Variants in SYNDIG1L observed in about 807,000 individuals in gnomAD.
SYNDIG1L encodes synapse differentiation-inducing gene protein 1-like.
SYNDIG1L carries 13 observed loss-of-function variants against 20.1 expected under a neutral mutation model. That is an observed-to-expected ratio of 0.65 (90% CI 0.42 to 1.03). The LOEUF (loss-of-function observed/expected upper bound fraction) is 1.03. Ranked by LOEUF, SYNDIG1L falls within the 50% of genes least tolerant of loss-of-function variation. SYNDIG1L has a pLI of 0.00. For synonymous variants in SYNDIG1L, 128 were observed against 129.3 expected (o/e 0.99, Z 0.07); for missense variants, 294 against 305.1 (o/e 0.96, Z 0.27).
At chr14:74,415,310 C>T (rs2086165872) in intron 1 of SYNDIG1L, among the ~76,000 whole-genome samples, 1 of 152,156 alleles carries the variant, frequency 6.6e-6, no homozygotes, top group East Asian at 1.9e-4. Context: ...TCTCAGACTT[C>T]AGCATGCATC....
At chr14:74,434,271 A>C in the SYNDIG1L span, among the ~76,000 whole-genome samples, 51 of 152,320 alleles carry the variant, frequency 3.3e-4, no homozygotes, top group East Asian at 9.3e-3. Flanking sequence ...CATTGAGTGA[A>C]TGATTGCTGC....
chr14:74,419,361 C>T (rs560165914), intron 1 of SYNDIG1L, among the ~76,000 whole-genome samples: 8 of 152,284 alleles, frequency 5.3e-5, no homozygotes, highest in South Asian at 2.1e-4. Context: ...CATTCCCTTG[C>T]GTGGCATATA....
At chr14:74,455,219 A>G in the SYNDIG1L span, among the ~76,000 whole-genome samples, 1 of 151,948 alleles carries the variant, frequency 6.6e-6, no homozygotes, top group East Asian at 1.9e-4. Flanking sequence ...TCTCATTACT[A>G]CTTGTGCTCT....
At chr14:74,445,423 T>A in the SYNDIG1L span, among the ~76,000 whole-genome samples, 1 of 152,008 alleles carries the variant, frequency 6.6e-6, no homozygotes, top group Non-Finnish European at 1.5e-5. Context: ...CACATTAGCA[T>A]ATTGCAAGCT....
At chr14:74,443,185 GAGA>G in the SYNDIG1L span, among the ~76,000 whole-genome samples, 1 of 152,200 alleles carries the variant, frequency 6.6e-6, no homozygotes, top group African/African-American at 2.4e-5. Context: ...ATTGCTGGTT[GAGA>G]AGAATGAACC....
chr14:74,411,804 T>C (rs1259275387), intron 1 of SYNDIG1L, among the ~76,000 whole-genome samples: 1 of 152,146 alleles, frequency 6.6e-6, no homozygotes, highest in East Asian at 1.9e-4. Flanking sequence ...CAGCTCTGAA[T>C]CCAAGACTGG....
chr14:74,432,283 C>G, the SYNDIG1L span, among the ~76,000 whole-genome samples: 2 of 152,078 alleles, frequency 1.3e-5, no homozygotes, highest in Admixed American at 1.3e-4. Flanking sequence ...ATGGTCCCAG[C>G]AGCAAGCAGT....
chr14:74,474,213 T>C, the SYNDIG1L span: 2 of 152,264 alleles, frequency 1.3e-5, no homozygotes, highest in Non-Finnish European at 2.9e-5. Context: ...GGTTGATCCA[T>C]GGTCCCATGG....
At chr14:74,433,785 C>T in the SYNDIG1L span, among the ~76,000 whole-genome samples, 1 of 152,162 alleles carries the variant, frequency 6.6e-6, no homozygotes, top group Non-Finnish European at 1.5e-5. Flanking sequence ...GGTTTTATGG[C>T]TTGTAAGGAC....
upstream of SYNDIG1L, among the ~76,000 whole-genome samples, chr14:74,429,692 G>C (rs2086289890): frequency 6.6e-6 from 1 of 152,250 alleles, no homozygotes; most frequent in Admixed American, 6.5e-5. Flanking sequence ...GGAGAGGTGG[G>C]CCTTTGGACT....
chr14:74,445,888 G>A, the SYNDIG1L span, among the ~76,000 whole-genome samples: 4 of 152,120 alleles, frequency 2.6e-5, no homozygotes, highest in Non-Finnish European at 4.4e-5. Flanking sequence ...TACAATCATT[G>A]TATAAGCTGC....
the SYNDIG1L span, among the ~76,000 whole-genome samples, chr14:74,462,459 G>A: frequency 9.2e-5 from 14 of 151,970 alleles, no homozygotes; most frequent in Non-Finnish European, 1.0e-4. Flanking sequence ...ACTCCAGCCT[G>A]AATGACAGAA....
rs555625424 is a variant in SYNDIG1L at position 74,407,936 on chromosome 14, A to C, written c.471T>G (p.Pro157=). ...GAGTAAGTCCCAGGTGGTCCCTGGG[A>C]GGCAGCGTGAGGAAGTTGTCTTCAC... ...SESEDNFLTL[P]PRDHLGLTLF... is the part of the protein sequence containing the mutation. The change falls in exon 3 of 4, where the codon CCT becomes CCG. Residue 157 remains proline, a synonymous_variant. Transcript: ENST00000331628. 3.3e-5 allele frequency: 53 copies of C among 1,613,802 alleles called. No homozygotes were observed. In the South Asian group the frequency reaches 5.3e-4, roughly 16 times the overall value.
At chr14:74,458,483 G>C in the SYNDIG1L span, among the ~76,000 whole-genome samples, 1 of 151,886 alleles carries the variant, frequency 6.6e-6, no homozygotes, top group Non-Finnish European at 1.5e-5. Flanking sequence ...TTAGCTGGGC[G>C]TGGTGGCAGG....
the SYNDIG1L span, among the ~76,000 whole-genome samples, chr14:74,434,807 C>T: frequency 9.3e-5 from 14 of 151,216 alleles, no homozygotes; most frequent in Non-Finnish European, 1.5e-4. Context: ...GCAGGCTGGG[C>T]GCGGTGGCTC....
intron 2 of SYNDIG1L, 45 bp from the exon 3 acceptor site, chr14:74,408,034 G>T (rs1185124852): frequency 1.3e-6 from 2 of 1,549,756 alleles, no homozygotes; most frequent in Admixed American, 2.0e-5. Context: ...GATCAGCCCA[G>T]CCCCATCAGG....
the SYNDIG1L span, among the ~76,000 whole-genome samples, chr14:74,449,678 T>C: frequency 6.6e-6 from 1 of 151,290 alleles, no homozygotes; most frequent in Admixed American, 6.6e-5. Flanking sequence ...GAATAAAAAG[T>C]TTGTGGAATG....
the SYNDIG1L span, among the ~76,000 whole-genome samples, chr14:74,460,043 C>T: frequency 6.6e-6 from 1 of 152,090 alleles, no homozygotes; most frequent in African/African-American, 2.4e-5. Context: ...AGCTCTTCCT[C>T]CCTCTCATCT....
the SYNDIG1L span, among the ~76,000 whole-genome samples, chr14:74,457,708 T>G: frequency 6.6e-6 from 1 of 151,962 alleles, no homozygotes; most frequent in Non-Finnish European, 1.5e-5. Context: ...AGCCATACGC[T>G]CCATTTCCCC....
Sources: gnomAD v4.1 joint callset for allele counts (sites outside exome capture counted in the v4.1 genomes callset) on GRCh38, gnomAD v4.1.1 for gene constraint, MANE v1.5 for transcripts, NCBI Gene and HGNC (gene_info 2026-07-23, HGNC 2026-07-21) for gene names.